Variants in RBM6 observed in about 807,000 individuals in gnomAD.
RBM6 encodes RNA binding motif protein 6, also known as RNA-binding protein 6.
RBM6 carries 23 observed loss-of-function variants against 140.4 expected under a neutral mutation model. The ratio of observed to expected loss-of-function variants is 0.16; its 90% confidence interval spans 0.12 to 0.23. RBM6 has a LOEUF of 0.23. RBM6 is among the 10% of genes least tolerant of loss of function. RBM6 has a pLI of 1.00. For missense variants in RBM6, 1,139 were observed against 1,386.7 expected, an observed-to-expected ratio of 0.82 and a Z score of 2.84; for synonymous variants, 439 against 475.6, an observed-to-expected ratio of 0.92 and a Z score of 1.00.
At chr3:49,956,636 CTTTAT>C (rs989175266) in intron 1 of RBM6, among the ~76,000 whole-genome samples, 3 of 143,766 alleles carry the variant, frequency 2.1e-5, no homozygotes, top group African/African-American at 7.7e-5. Flanking sequence ...CTGGCCCACG[CTTTAT>C]TTTTTTATTT....
At chr3:50,062,169 G>A (rs2089965876) in intron 15 of RBM6, 61 bp downstream of exon 15, 17 of 1,549,104 alleles carry the variant, frequency 1.1e-5, no homozygotes, top group South Asian at 3.6e-5. Context: ...TTGGAGGTAC[G>A]AACAGAGGAT....
At chr3:50,072,083 CAAAAAAAAAA>C (rs974465674) in intron 19 of RBM6, among the ~76,000 whole-genome samples, 1 of 41,460 alleles carries the variant, frequency 2.4e-5, no homozygotes, top group Non-Finnish European at 4.7e-5. Flanking sequence ...GACTCTGTCT[CAAAAAAAAAA>C]AAAAAAAAAA....
Position 50,075,339 on chromosome 3 carries a change from G to GTT in RBM6, c.3246+11_3246+12dup. The GTT allele has an allele frequency of 6.2e-7, 1 of 1,606,048 alleles. No individual in the cohort carries two copies. The highest frequency in any genetic ancestry group is 8.5e-7 in the Non-Finnish European group (1 of 1,175,414). ...TGGCTTCATCAGAGGAGGTAAAATG[G>GTT]TTTCCATCTTTTGGGGGGTGACATG... On this transcript the variant is annotated intron_variant, in intron 20 of 20. Transcript: ENST00000266022.
chr3:50,019,388 C>T (rs1454109265), intron 6 of RBM6, among the ~76,000 whole-genome samples: 1 of 152,058 alleles, frequency 6.6e-6, no homozygotes, highest in Non-Finnish European at 1.5e-5. Context: ...TTATTTCTTC[C>T]TTTCTAATCC....
At chr3:50,035,876 C>T (rs1227090579) in intron 6 of RBM6, among the ~76,000 whole-genome samples, 1 of 151,866 alleles carries the variant, frequency 6.6e-6, no homozygotes, top group Non-Finnish European at 1.5e-5. Flanking sequence ...TCTCGTGCCT[C>T]AGCCTCCTGA....
chr3:50,009,756 G>A (rs1015187958), intron 6 of RBM6, among the ~76,000 whole-genome samples: 10 of 151,916 alleles, frequency 6.6e-5, no homozygotes, highest in African/African-American at 2.4e-4. Context: ...GTACAGATGA[G>A]ATCTCACTGT....
At chr3:49,999,310 G>A (rs1280010582) in intron 5 of RBM6, 130 bp from the exon 6 acceptor site, 5 of 730,076 alleles carry the variant, frequency 6.8e-6, no homozygotes, top group East Asian at 5.0e-5. Flanking sequence ...ACTTTACCTA[G>A]TGTAGGGGAG....
intron 6 of RBM6, among the ~76,000 whole-genome samples, chr3:50,026,646 A>G (rs1332439120): frequency 6.6e-6 from 1 of 151,862 alleles, no homozygotes; most frequent in East Asian, 1.9e-4. Flanking sequence ...AAAAAAAAAA[A>G]AAGAAAAAAA....
chr3:49,955,147 T>A (rs1205682609), intron 1 of RBM6, among the ~76,000 whole-genome samples: 1 of 130,468 alleles, frequency 7.7e-6, no homozygotes, highest in Non-Finnish European at 1.6e-5. Context: ...CCGCATAGTA[T>A]TTTTTTTTCT....
intron 11 of RBM6, among the ~76,000 whole-genome samples, chr3:50,060,428 C>T (rs1029438075): frequency 3.3e-5 from 5 of 152,048 alleles, no homozygotes; most frequent in African/African-American, 4.8e-5. Context: ...GGCTGTTTTG[C>T]TCCACCACTT....
In RBM6 at chr3:50,039,494, C is replaced by T. The variant is rs142500164; in HGVS notation, c.1558-8751C>T. On this transcript the variant is annotated intron_variant, in intron 6 of 20. Transcript: ENST00000266022. ...CCTCAGGTGATCCACCCCCCCCCCC[C>T]CCACCCTTGGTCTCCCAAAGTGCTG... Among the ~76,000 whole-genome samples, 31 of 132,160 alleles carry T rather than the reference C, an allele frequency of 2.3e-4. 1 individual carries two copies. Among genetic ancestry groups the T allele is most frequent in the Non-Finnish European group, 3.9e-4 (24 of 61,068 alleles). The allele number at this position is 132,160 out of a possible 152,430, so 86.7% of individuals were successfully genotyped here.
rs1053360154 is a variant in RBM6, at chr3:50,054,257, G to T, written c.1633-78G>T. 9.5e-4 allele frequency: 1,059 copies of T among 1,115,616 alleles called. No homozygotes were observed. Among genetic ancestry groups the T allele is most frequent in the Admixed American group, 3.1e-3 (158 of 50,560 alleles). 69.1% of individuals were successfully genotyped at this position (1,115,616 alleles called of 1,614,324 possible). A position where few individuals can be genotyped will look rare whatever the true frequency, so the allele number is the denominator to read the frequency against. On this transcript the variant is annotated intron_variant, in intron 7 of 20. Coordinates refer to ENST00000266022, the MANE Select transcript of RBM6 (RefSeq NM_005777.3). ...GATATGGCTTGTTTCTTTCATTTTTGGGGGGTTTCACTTTGTTAGATATAC... is the reference window on the plus strand; with the variant it reads ...GATATGGCTTGTTTCTTTCATTTTTTGGGGGTTTCACTTTGTTAGATATAC...
At chr3:50,073,061 C>G (rs903812320) in intron 19 of RBM6, among the ~76,000 whole-genome samples, 1 of 152,172 alleles carries the variant, frequency 6.6e-6, no homozygotes, top group Non-Finnish European at 1.5e-5. Context: ...TCAACCACCA[C>G]CACAGTCTAA....
rs2089774613 is a variant in RBM6 at position 50,057,804 on chromosome 3, G to A, written c.1770G>A (p.Gln590=). The change falls in exon 9 of 21, where the codon CAG becomes CAA. Residue 590 remains glutamine (Q), a synonymous_variant. Coordinates refer to ENST00000266022, the MANE Select transcript of RBM6 (RefSeq NM_005777.3). ...KTSIPAPLEK[Q]PNQPLRPADK... ...CCATACCAGCACCATTGGAAAAACA[G>A]CCCAACCAGCCCCTAAGACCAGCTG... 1 of 1,613,410 alleles carries A rather than the reference G, an allele frequency of 6.2e-7. No individual in the cohort carries two copies. Among genetic ancestry groups the A allele is most frequent in the African/African-American group, 1.3e-5 (1 of 74,808 alleles).
Position 50,059,756 on chromosome 3 carries a change from A to G in RBM6, c.2228+10A>G, listed in dbSNP as rs768364257. The G allele has an allele frequency of 1.9e-6, 3 of 1,607,366 alleles. No individual in the cohort carries two copies. ...CCACTGGAAAACGAAGGTAAGGCAG[A>G]AGGGTGAGGATCTCTTGTGCTGCCC... On this transcript the variant is annotated intron_variant, in intron 11 of 20. Coordinates refer to ENST00000266022, the MANE Select transcript of RBM6 (RefSeq NM_005777.3).
chr3:50,063,416 A>G (rs962692785), intron 15 of RBM6, among the ~76,000 whole-genome samples: 3 of 151,690 alleles, frequency 2.0e-5, no homozygotes, highest in Non-Finnish European at 2.9e-5. Flanking sequence ...CACCAGCAAC[A>G]TGGTGAAACT....
At chr3:49,989,969 A>G (rs2108702834) in intron 5 of RBM6, among the ~76,000 whole-genome samples, 1 of 151,982 alleles carries the variant, frequency 6.6e-6, no homozygotes, top group East Asian at 1.9e-4. Flanking sequence ...CTGGTCTCGA[A>G]CTCCTGACCT....
intron 6 of RBM6, among the ~76,000 whole-genome samples, chr3:50,037,708 G>C (rs1309897831): frequency 6.6e-6 from 1 of 151,910 alleles, no homozygotes; most frequent in East Asian, 1.9e-4. Flanking sequence ...TGTGTTCCCT[G>C]AGCTGGTCTG....
At chr3:50,064,078 C>T (rs1341379217) in intron 15 of RBM6, among the ~76,000 whole-genome samples, 9 of 151,790 alleles carry the variant, frequency 5.9e-5, no homozygotes, top group South Asian at 2.1e-4. Flanking sequence ...GGATATCAGG[C>T]GCTGCCACAA....
Sources: allele counts gnomAD v4.1 joint callset (sites outside exome capture counted in the v4.1 genomes callset), GRCh38; gene constraint gnomAD v4.1.1; transcripts MANE v1.5; gene names NCBI Gene and HGNC (gene_info 2026-07-23, HGNC 2026-07-21).